UTP20: variants seen among roughly 807,000 people sequenced by gnomAD.
UTP20 encodes the protein UTP20 small subunit processome component.
UTP20 carries 164 observed loss-of-function variants against 329.5 expected under a neutral mutation model. That is an observed-to-expected ratio of 0.50 (90% CI 0.44 to 0.57). The LOEUF (loss-of-function observed/expected upper bound fraction) is 0.57, where lower values mean the gene tolerates loss of function less well. Ranked by LOEUF, UTP20 falls within the 20% of genes least tolerant of loss-of-function variation. UTP20 has a pLI of 0.00. For synonymous variants in UTP20, 1,151 were observed against 1,159.3 expected (o/e 0.99, Z 0.14); for missense variants, 3,055 against 3,284.2 (o/e 0.93, Z 1.71).
chr12:101,291,747 G>A lies in UTP20; in HGVS notation c.897G>A (p.Ser299=), dbSNP rs73376757. The change falls in exon 9 of 62, where the codon TCG becomes TCA. Residue 299 remains serine (S), a synonymous_variant. Coordinates refer to ENST00000261637, the MANE Select transcript of UTP20 (RefSeq NM_014503.3). ...GTTAAATTCTTTGTTTGCAGGAATC[G>A]CTCTTGGATCTACACACAAAAGTAA... ...FGTFFECLQE[S]LLDLHTKVTK... The A allele has an allele frequency of 6.1e-3, 9,340 of 1,541,004 alleles. 490 individuals are homozygous for A. In the African/African-American group the frequency reaches 0.12, roughly 19 times the overall value.
chr12:101,287,212 G>A (rs1220764281), intron 5 of UTP20, among the ~76,000 whole-genome samples: 1 of 152,138 alleles, frequency 6.6e-6, no homozygotes, highest in East Asian at 1.9e-4. Flanking sequence ...AATAGACTTT[G>A]TTTTATGCCA....
chr12:101,350,721 C>G (rs1869487617), intron 38 of UTP20, among the ~76,000 whole-genome samples: 1 of 152,178 alleles, frequency 6.6e-6, no homozygotes, highest in African/African-American at 2.4e-5. Flanking sequence ...GCATTTCACT[C>G]TGGCTGATAG....
intron 17 of UTP20, among the ~76,000 whole-genome samples, chr12:101,307,695 T>C (rs1401361025): frequency 1.3e-5 from 2 of 152,142 alleles, no homozygotes; most frequent in African/African-American, 4.8e-5. Flanking sequence ...TCTCATTCCT[T>C]TTGAAGTTTG....
At chr12:101,293,885 T>A (rs12312193) in intron 11 of UTP20, among the ~76,000 whole-genome samples, 7,427 of 152,202 alleles carry the variant, frequency 0.049, 595 homozygotes, top group African/African-American at 0.17. Flanking sequence ...TTGGTCTTTT[T>A]ATTTTTTTTT....
At chr12:101,357,172 G>A in intron 43 of UTP20, 90 bp downstream of exon 43, 1 of 1,286,716 alleles carries the variant, frequency 7.8e-7, no homozygotes, top group Non-Finnish European at 1.1e-6. Context: ...CTTTGGGCCT[G>A]TCTTTAAATT....
intron 56 of UTP20, among the ~76,000 whole-genome samples, chr12:101,378,826 CCATTAGAGT>C (rs1870555955): frequency 6.6e-6 from 1 of 152,166 alleles, no homozygotes; most frequent in African/African-American, 2.4e-5. Context: ...TGTTTATACC[CCATTAGAGT>C]CATTTAACCA....
rs1370668162 is a variant in UTP20, at chr12:101,305,692, TC to T, written c.1782-220del. Among the ~76,000 whole-genome samples, 6 of 151,628 alleles carry T rather than the reference TC, an allele frequency of 4.0e-5. No homozygotes were observed. The East Asian group carries it at 1.2e-3, about 29-fold the overall frequency. ...AACATTGGAGTCTAGCATATTCTGC[TC>T]CCACCTCTGCCTGCAACCAGCTGTG... On this transcript the variant is annotated intron_variant, in intron 15 of 61. Coordinates refer to ENST00000261637, the MANE Select transcript of UTP20 (RefSeq NM_014503.3).
At chr12:101,354,261 C>CAAA (rs71091489) in intron 40 of UTP20, among the ~76,000 whole-genome samples, 1,087 of 79,912 alleles carry the variant, frequency 0.014, 34 homozygotes, top group African/African-American at 0.039. Context: ...GACTCTGTCT[C>CAAA]AAAAAAAAAA....
At chr12:101,346,347 G>A (rs550752009) in intron 37 of UTP20, 104 bp from the exon 38 acceptor site, 1 of 1,369,358 alleles carries the variant, frequency 7.3e-7, no homozygotes, top group East Asian at 2.6e-5. Flanking sequence ...ACCGCACCTG[G>A]CCACTCCTTT....
At chr12:101,336,939 A>G (rs1026259922) in intron 29 of UTP20, among the ~76,000 whole-genome samples, 1 of 152,256 alleles carries the variant, frequency 6.6e-6, no homozygotes, top group African/African-American at 2.4e-5. Context: ...GGCTCTTGCT[A>G]GGACTTTACT....
Position 101,285,560 on chromosome 12 carries a change from A to T in UTP20, c.127-10A>T, listed in dbSNP as rs769904775. 6.2e-7 allele frequency: 1 copy of T among 1,613,442 alleles called. No homozygotes were observed. The highest frequency in any genetic ancestry group is 8.5e-7 in the Non-Finnish European group (1 of 1,179,672). On this transcript the variant is annotated splice_polypyrimidine_tract_variant and intron_variant, in intron 2 of 61. Transcript: ENST00000261637. Reference sequence around the variant, plus strand: ...GTTATTTGATTAATGGACTGCTTTAATCTTGACAGGAGGTTGAAACCTACT... The same window carrying T: ...GTTATTTGATTAATGGACTGCTTTATTCTTGACAGGAGGTTGAAACCTACT...
At chr12:101,289,154 A>T in intron 6 of UTP20, 113 bp downstream of exon 6, 1 of 880,326 alleles carries the variant, frequency 1.1e-6, no homozygotes, top group East Asian at 2.8e-5. Context: ...AGGCAGGTGG[A>T]TCACCTGAGG....
chr12:101,280,108 C>T lies in UTP20; in HGVS notation c.-175C>T. ...CTTTTTTCCGTCCACGTGACCCACT[C>T]AGGCTCCTCCTTGTCTCCAACATGG... On this transcript the variant is annotated 5_prime_UTR_variant, in exon 1 of 62. Transcript: ENST00000261637. The T allele has an allele frequency of 1.3e-6, 1 of 763,606 alleles. No individual in the cohort carries two copies. Among genetic ancestry groups the T allele is most frequent in the Non-Finnish European group, 2.1e-6 (1 of 482,410 alleles). 47.3% of individuals were successfully genotyped at this position (763,606 alleles called of 1,614,324 possible).
chr12:101,371,100 G>T lies in UTP20; in HGVS notation c.6730G>T (p.Val2244Phe). 1 of 1,614,094 alleles carries T rather than the reference G, an allele frequency of 6.2e-7. No homozygotes were observed. Among genetic ancestry groups the T allele is most frequent in the Non-Finnish European group, 8.5e-7 (1 of 1,179,990 alleles). ...RKLLVPEIDE[V>F]MRKVSKLAVS... is the part of the protein sequence containing the mutation. ...GCTGTTGGTCCCAGAAATCGATGAG[G>T]TCATGCGGAAAGTATCCAAGTTGGC... Residue 2244 changes from valine (V) to phenylalanine (F), a missense_variant, in exon 51 of 62, where the codon GTC becomes TTC. This residue lies in a region of UTP20 where 273 missense variants were observed against 363.1 expected (regional missense o/e 0.75). Coordinates refer to ENST00000261637, the MANE Select transcript of UTP20 (RefSeq NM_014503.3).
At position 101,377,099 on chromosome 12, in the gene UTP20, G is replaced by A. The variant is rs947619026; in HGVS notation, c.7396+1343G>A. Among the ~76,000 whole-genome samples, 7 of 151,916 alleles carry A rather than the reference G, an allele frequency of 4.6e-5. No individual in the cohort carries two copies. In the South Asian group the frequency reaches 6.2e-4, roughly 13 times the overall value. On this transcript the variant is annotated intron_variant, in intron 56 of 61. Coordinates refer to ENST00000261637, the MANE Select transcript of UTP20 (RefSeq NM_014503.3). ...CCCAGCCGGGACCACATCTTATGTG[G>A]TCTGTTGTTAACTGAAATAAAGTAT...
At chr12:101,303,331 T>A (rs1872571565) in intron 15 of UTP20, among the ~76,000 whole-genome samples, 1 of 152,114 alleles carries the variant, frequency 6.6e-6, no homozygotes, top group Non-Finnish European at 1.5e-5. Flanking sequence ...TATAGCGTGT[T>A]AGGAGGTGCT....
At chr12:101,323,918 C>G (rs923620474) in intron 25 of UTP20, among the ~76,000 whole-genome samples, 4 of 152,038 alleles carry the variant, frequency 2.6e-5, no homozygotes, top group Non-Finnish European at 5.9e-5. Flanking sequence ...GTGGATGGAT[C>G]CCGAGGTCAG....
rs75673215 is a variant in UTP20, at chr12:101,364,753, A to C, written c.5959-706A>C. Among the ~76,000 whole-genome samples the C allele has an allele frequency of 7.6e-3, 1,160 of 152,344 alleles. 15 individuals are homozygous for C. The highest frequency in any genetic ancestry group is 0.027 in the African/African-American group (1,116 of 41,584). The stretch of plus-strand genomic sequence containing the variant: ...AATGTTCTGGTGCTAGATGAACTCC[A>C]TAATTACTCCTAGAATGCATTTAGT... On this transcript the variant is annotated intron_variant, in intron 45 of 61. Transcript: ENST00000261637.
chr12:101,362,541 G>C (rs11110768), intron 44 of UTP20, among the ~76,000 whole-genome samples: 107,339 of 126,514 alleles, frequency 0.85, 45,986 homozygotes, highest in African/African-American at 0.97. Context: ...CCGTCTCTAA[G>C]AAAAATACAA....
Sources: allele counts gnomAD v4.1 joint callset (sites outside exome capture counted in the v4.1 genomes callset), GRCh38; gene constraint gnomAD v4.1.1; regional missense constraint gnomAD v4.1.1; transcripts MANE v1.5; gene names NCBI Gene and HGNC (gene_info 2026-07-23, HGNC 2026-07-21).